MZT2A: variants seen among roughly 807,000 people sequenced by gnomAD.
The protein encoded by MZT2A is mitotic spindle organizing protein 2A.
In MZT2A, 8 loss-of-function variants were observed where a neutral mutation model predicts 12.4. The observed-to-expected ratio is 0.64, with a 90% CI of 0.38 to 1.16. The LOEUF is 1.16. Among genes scored for constraint, MZT2A ranks in the 50% most tolerant of loss-of-function variants. The pLI, the probability that MZT2A is intolerant of heterozygous loss-of-function variation, is 0.01. For missense variants in MZT2A, 181 were observed against 223.6 expected (o/e 0.81, Z 1.22); for synonymous variants, 88 against 107.5 (o/e 0.82, Z 1.12).
In MZT2A at chr2:131,484,192, C is replaced by A. The variant is rs867349493; in HGVS notation, c.346G>T (p.Gly116Trp). The part of the protein sequence containing the change: ...RGRDKGSAAL[G>W]GVLALAERSN... The stretch of plus-strand genomic sequence containing the variant: ...CGTTCCGCCAGGGCCAATACTCCCC[C>A]GAGGGCAGCGCTGCCTTTGTCTCTC... The change falls in exon 3 of 3, where the codon GGG (glycine) becomes TGG (tryptophan). Residue 116 changes from glycine to tryptophan, a missense_variant. This residue lies in a region of MZT2A where 72 missense variants were observed against 76.9 expected (regional missense o/e 0.94). Transcript: ENST00000309451. 6.2e-6 allele frequency: 10 copies of A among 1,613,938 alleles called. No individual in the cohort carries two copies. The highest frequency in any genetic ancestry group is 1.6e-4 in the Middle Eastern group (1 of 6,080).
intron 2 of MZT2A, chr2:131,490,780 G>C: frequency 9.0e-6 from 14 of 1,549,960 alleles, no homozygotes; most frequent in Non-Finnish European, 1.2e-5. Flanking sequence ...AGAGAGGTGA[G>C]TGTGTGGCAG....
chr2:131,479,548 C>G, downstream of MZT2A: 1 of 1,572,510 alleles, frequency 6.4e-7, no homozygotes, highest in Non-Finnish European at 8.7e-7. Context: ...AACACTTAGA[C>G]CAGCATCTTG....
At chr2:131,493,121 C>G, upstream of MZT2A, 1 of 1,485,006 alleles carries the variant, frequency 6.7e-7, no homozygotes, top group Non-Finnish European at 9.0e-7. Flanking sequence ...CTGAAGCGGG[C>G]GACGCTATGG....
At chr2:131,479,331 A>G (rs1187579857), downstream of MZT2A, 4 of 1,614,112 alleles carry the variant, frequency 2.5e-6, no homozygotes, top group South Asian at 4.4e-5. Flanking sequence ...AGGGACCTAC[A>G]GGCAGCTCTT....
intron 2 of MZT2A, among the ~76,000 whole-genome samples, chr2:131,488,887 CG>C (rs1679167361): frequency 6.7e-6 from 1 of 149,346 alleles, no homozygotes; most frequent in Non-Finnish European, 1.5e-5. Context: ...CTCCTGTCCT[CG>C]GGTAAATTCT....
intron 2 of MZT2A, chr2:131,475,993 C>G (rs940058238): frequency 2.2e-6 from 2 of 906,696 alleles, no homozygotes; most frequent in Non-Finnish European, 3.3e-6. Context: ...GAGAGCGTCC[C>G]CAGTACACAT....
intron 2 of MZT2A, chr2:131,490,228 C>T: frequency 1.2e-6 from 1 of 829,452 alleles, no homozygotes; most frequent in Non-Finnish European, 1.5e-6. Flanking sequence ...GGCAAGGGGG[C>T]TGAGTGCTGG....
chr2:131,481,295 G>T (rs1425389096), downstream of MZT2A, among the ~76,000 whole-genome samples: 1 of 151,694 alleles, frequency 6.6e-6, no homozygotes, highest in Non-Finnish European at 1.5e-5. Context: ...TTGAGACAGG[G>T]TCTTGCTTTG....
chr2:131,480,694 CCAT>C, downstream of MZT2A: 1 of 1,613,432 alleles, frequency 6.2e-7, no homozygotes. Context: ...GCCATCGCCA[CCAT>C]CAAGACCAAG....
chr2:131,491,848 G>A, intron 2 of MZT2A, 28 bp downstream of exon 2: 2 of 1,388,844 alleles, frequency 1.4e-6, no homozygotes, highest in Admixed American at 2.5e-5. Context: ...CCCGCCACTG[G>A]GGCAGGGACA....
rs752888130 is a variant in MZT2A, at chr2:131,491,118, G to A, written c.319+758C>T. The A allele has an allele frequency of 4.8e-5, 32 of 668,132 alleles. No individual in the cohort carries two copies. In the South Asian group the frequency reaches 5.7e-4, roughly 12 times the overall value. 41.4% of individuals were successfully genotyped at this position (668,132 alleles called of 1,614,324 possible). A position where few individuals can be genotyped will look rare whatever the true frequency, so the allele number is the denominator to read the frequency against. On this transcript the variant is annotated intron_variant, in intron 2 of 2. Transcript: ENST00000309451. ...TCTGGGCCTCCTTCCATTGGCCTGG[G>A]AGGTTGTGCTGCATTTCAGAGAGAG... is the stretch of plus-strand genomic sequence containing the variant.
chr2:131,474,201 C>CA (rs1678566756), intron 2 of MZT2A, among the ~76,000 whole-genome samples: 1 of 149,196 alleles, frequency 6.7e-6, no homozygotes, highest in Non-Finnish European at 1.5e-5. Context: ...GGGTTCATGC[C>CA]ATCCTCCTGC....
chr2:131,490,856 G>C, intron 2 of MZT2A: 1 of 1,549,944 alleles, frequency 6.5e-7, no homozygotes, highest in Non-Finnish European at 8.7e-7. Context: ...GGGCCTTGCA[G>C]GGGGGCTACT....
chr2:131,484,891 C>T (rs1238928627), intron 2 of MZT2A, among the ~76,000 whole-genome samples: 1 of 152,224 alleles, frequency 6.6e-6, no homozygotes, highest in Non-Finnish European at 1.5e-5. Flanking sequence ...ATGAAGACCA[C>T]AGGTTCAGAG....
upstream of MZT2A, chr2:131,492,770 G>C: frequency 7.4e-7 from 1 of 1,353,812 alleles, no homozygotes; most frequent in Non-Finnish European, 9.6e-7. Flanking sequence ...GCACCACTAG[G>C]GGTCGCTCTT....
At chr2:131,485,946 C>G (rs181700519) in intron 2 of MZT2A, among the ~76,000 whole-genome samples, 5 of 151,832 alleles carry the variant, frequency 3.3e-5, no homozygotes, top group African/African-American at 1.2e-4. Flanking sequence ...TCCCCATACC[C>G]TGCAGGGATA....
intron 3 of MZT2A, among the ~76,000 whole-genome samples, chr2:131,471,592 T>C (rs1573849974): frequency 6.6e-6 from 1 of 151,340 alleles, no homozygotes; most frequent in African/African-American, 2.5e-5. Context: ...TTTTAACATA[T>C]GTCCTCTTTT....
At chr2:131,493,076 G>T, upstream of MZT2A, 2 of 1,495,786 alleles carry the variant, frequency 1.3e-6, no homozygotes, top group East Asian at 2.4e-5. Flanking sequence ...TGATGACGAC[G>T]TTTTGGCGCG....
intron 2 of MZT2A, among the ~76,000 whole-genome samples, chr2:131,473,250 G>A (rs1327965455): frequency 6.6e-6 from 1 of 152,066 alleles, no homozygotes; most frequent in Non-Finnish European, 1.5e-5. Flanking sequence ...CCCTCCTGGG[G>A]AGAAGGGGCC....
Sources: gnomAD v4.1 joint callset for allele counts (sites outside exome capture counted in the v4.1 genomes callset) on GRCh38, gnomAD v4.1.1 for gene constraint, gnomAD v4.1.1 regional missense constraint, MANE v1.5 for transcripts, NCBI Gene and HGNC (gene_info 2026-07-23, HGNC 2026-07-21) for gene names.